Variants in PAN3 observed in about 807,000 individuals in gnomAD.
The protein encoded by PAN3 is PAN2-PAN3 deadenylation complex subunit PAN3.
PAN3 carries 19 observed loss-of-function variants against 96.2 expected under a neutral mutation model. The ratio of observed to expected loss-of-function variants is 0.20; its 90% CI spans 0.14 to 0.29. The LOEUF (loss-of-function observed/expected upper bound fraction) is 0.29, where lower values mean the gene tolerates loss of function less well. Ranked by LOEUF, PAN3 falls within the 10% of genes least tolerant of loss-of-function variation. The pLI, the probability that PAN3 is intolerant of heterozygous loss-of-function variation, is 1.00. For missense variants in PAN3, 882 were observed against 1,108.1 expected (o/e 0.80, Z 2.90); for synonymous variants, 433 against 406.6 (o/e 1.06, Z -0.78).
intron 5 of PAN3, among the ~76,000 whole-genome samples, chr13:28,211,243 C>CA (rs908857424): frequency 2.0e-5 from 3 of 151,406 alleles, no homozygotes; most frequent in African/African-American, 4.8e-5. Flanking sequence ...TTTAACAAGG[C>CA]AAAAAAAATT....
chr13:28,273,683 A>C (rs1399304107), intron 14 of PAN3, among the ~76,000 whole-genome samples: 1 of 152,142 alleles, frequency 6.6e-6, no homozygotes, highest in Non-Finnish European at 1.5e-5. Context: ...TTCAGTTTGT[A>C]TTGGAATGCT....
intron 5 of PAN3, among the ~76,000 whole-genome samples, chr13:28,207,262 A>G (rs1879488695): frequency 6.6e-6 from 1 of 152,170 alleles, no homozygotes; most frequent in Non-Finnish European, 1.5e-5. Flanking sequence ...TCCTTCAGCA[A>G]CTAAGATCTG....
chr13:28,249,752 T>C (rs1566227303), intron 6 of PAN3, among the ~76,000 whole-genome samples: 1 of 152,052 alleles, frequency 6.6e-6, no homozygotes, highest in Non-Finnish European at 1.5e-5. Flanking sequence ...GCCCGGCCAA[T>C]AAGAATTTTT....
chr13:28,241,746 G>T (rs1883684362), intron 6 of PAN3, among the ~76,000 whole-genome samples: 1 of 152,118 alleles, frequency 6.6e-6, no homozygotes, highest in African/African-American at 2.4e-5. Context: ...GGGGAATTTG[G>T]TTAAAAATGA....
At chr13:28,281,492 T>C (rs1887463531) in intron 17 of PAN3, 113 bp downstream of exon 17, 1 of 971,486 alleles carries the variant, frequency 1.0e-6, no homozygotes, top group South Asian at 1.5e-5. Flanking sequence ...TCATGTGAAG[T>C]GACCTTAAGA....
intron 1 of PAN3, among the ~76,000 whole-genome samples, chr13:28,162,868 A>T (rs1228248606): frequency 1.4e-5 from 2 of 141,446 alleles, no homozygotes; most frequent in East Asian, 2.0e-4. Context: ...CACCAAGCTT[A>T]AAAAAAAAAA....
chr13:28,166,849 T>A lies in PAN3; in HGVS notation c.431-7423T>A, dbSNP rs369068269. ...CCACAGTGGGGGTAGTCAGGGAGTC[T>A]TGCTTGGGAATAAAGGGAGCAGAGA... On this transcript the variant is annotated intron_variant, in intron 1 of 18. Transcript: ENST00000380958. Among the ~76,000 whole-genome samples, 46 of 152,186 alleles carry A rather than the reference T, an allele frequency of 3.0e-4. No homozygotes were observed. In the East Asian group the frequency reaches 6.2e-3, roughly 21 times the overall value.
chr13:28,150,010 A>G (rs947139091), intron 1 of PAN3, among the ~76,000 whole-genome samples: 1 of 152,168 alleles, frequency 6.6e-6, no homozygotes, highest in Admixed American at 6.5e-5. Flanking sequence ...AGGACTTTAT[A>G]TATCTTTATT....
At chr13:28,214,770 A>G in intron 5 of PAN3, 1 of 579,030 alleles carries the variant, frequency 1.7e-6, no homozygotes, top group Non-Finnish European at 3.2e-6. Flanking sequence ...AACAAGTACT[A>G]CATGACTTAG....
chr13:28,260,531 A>G lies in PAN3; in HGVS notation c.1333A>G (p.Met445Val). 1.2e-6 allele frequency: 2 copies of G among 1,611,582 alleles called. No individual in the cohort carries two copies. The highest frequency in any genetic ancestry group is 1.7e-6 in the Non-Finnish European group (2 of 1,177,758). The change falls in exon 8 of 19, where the codon ATG (methionine) becomes GTG (valine). Residue 445 changes from methionine (M) to valine (V), a missense_variant. By Grantham distance (21) the Met-to-Val change is conservative (BLOSUM62 1). Transcript: ENST00000380958. The stretch of plus-strand genomic sequence containing the variant: ...GAAAGCAAACGCACCTTCCTTCTTC[A>G]TGGCTGATGAACTCCGACAGGTATG... ...QPKANAPSFF[M>V]ADELRQELIN...
intron 17 of PAN3, among the ~76,000 whole-genome samples, chr13:28,282,120 G>A (rs985262826): frequency 2.0e-5 from 3 of 152,110 alleles, no homozygotes; most frequent in Non-Finnish European, 4.4e-5. Flanking sequence ...CATTGGAAAG[G>A]CATTACCTTT....
rs541089176 is a variant in PAN3 at position 28,274,627 on chromosome 13, C to T, written c.2049+2556C>T. 5.1e-3 allele frequency among the ~76,000 whole-genome samples: 771 copies of T among 152,090 alleles called. 6 individuals carry two copies. The highest frequency in any genetic ancestry group is 0.018 in the African/African-American group (749 of 41,490). On this transcript the variant is annotated intron_variant, in intron 14 of 18. Coordinates refer to ENST00000380958, the MANE Select transcript of PAN3 (RefSeq NM_175854.8). ...GAAAAAAATCCCTGAGTTCAGACAA[C>T]CAACTTTAAGCATTTAGGGCACCTT...
chr13:28,191,893 C>T (rs1213171946), intron 4 of PAN3, among the ~76,000 whole-genome samples: 2 of 152,036 alleles, frequency 1.3e-5, no homozygotes, highest in Non-Finnish European at 2.9e-5. Flanking sequence ...GCATGGGCCA[C>T]CATACCCGGC....
chr13:28,186,505 G>T (rs1261642598), intron 4 of PAN3, among the ~76,000 whole-genome samples: 1 of 152,114 alleles, frequency 6.6e-6, no homozygotes, highest in African/African-American at 2.4e-5. Context: ...TTGTCAAATG[G>T]TAGTTATTGT....
At chr13:28,203,130 T>C (rs2138268584) in intron 5 of PAN3, among the ~76,000 whole-genome samples, 1 of 143,416 alleles carries the variant, frequency 7.0e-6, no homozygotes, top group South Asian at 2.2e-4. Flanking sequence ...GCCTGGCTAA[T>C]TTTTTTTTTT....
chr13:28,224,736 C>T (rs1881810457), intron 6 of PAN3, among the ~76,000 whole-genome samples: 1 of 152,160 alleles, frequency 6.6e-6, no homozygotes, highest in Admixed American at 6.5e-5. Flanking sequence ...AATTCTCCCA[C>T]CTCAAACTCC....
intron 5 of PAN3, among the ~76,000 whole-genome samples, chr13:28,204,598 G>T (rs919893155): frequency 2.8e-4 from 42 of 152,120 alleles, no homozygotes; most frequent in African/African-American, 9.7e-4. Flanking sequence ...TCTTTTAAGG[G>T]CTCACATTTA....
chr13:28,215,549 G>A, intron 5 of PAN3: 1 of 701,536 alleles, frequency 1.4e-6, no homozygotes, highest in Non-Finnish European at 2.5e-6. Flanking sequence ...TGATTATTCT[G>A]AACCATTCAG....
chr13:28,140,621 A>G (rs781657338), intron 1 of PAN3, among the ~76,000 whole-genome samples: 1 of 152,150 alleles, frequency 6.6e-6, no homozygotes, highest in Admixed American at 6.5e-5. Flanking sequence ...GGCTCAAGCG[A>G]TCTTCCTGCC....
Sources: allele counts gnomAD v4.1 joint callset (sites outside exome capture counted in the v4.1 genomes callset), GRCh38; gene constraint gnomAD v4.1.1; transcripts MANE v1.5; gene names NCBI Gene and HGNC (gene_info 2026-07-23, HGNC 2026-07-21).